Variants in WWP1 observed in about 807,000 individuals in gnomAD.
WWP1 encodes the protein WW domain containing E3 ubiquitin protein ligase 1, also known as NEDD4-like E3 ubiquitin-protein ligase WWP1.
A neutral mutation model predicts 130.6 loss-of-function variants in WWP1; 49 were observed. That is an observed-to-expected ratio of 0.38 (90% CI 0.30 to 0.48). WWP1 has a LOEUF of 0.48. Ranked by LOEUF, WWP1 falls within the 20% of genes least tolerant of loss-of-function variation. WWP1 has a pLI of 0.99. For missense variants in WWP1, 809 were observed against 1,100.6 expected, an observed-to-expected ratio of 0.74 and a Z score of 3.75; for synonymous variants, 332 against 367.8, an observed-to-expected ratio of 0.90 and a Z score of 1.11.
intron 1 of WWP1, among the ~76,000 whole-genome samples, chr8:86,364,494 G>A (rs1036331834): frequency 6.6e-6 from 1 of 152,126 alleles, no homozygotes; most frequent in Non-Finnish European, 1.5e-5. Context: ...GTACTGTAAA[G>A]CAGAAGAGTT....
chr8:86,465,269 A>G (rs1421933345), intron 24 of WWP1, among the ~76,000 whole-genome samples: 1 of 152,278 alleles, frequency 6.6e-6, no homozygotes, highest in Non-Finnish European at 1.5e-5. Context: ...GAAAGCAGCA[A>G]AAGTTTTTGA....
At position 86,466,903 on chromosome 8, in the gene WWP1, C is replaced by G; in HGVS notation, c.*10C>G. On this transcript the variant is annotated 3_prime_UTR_variant, in exon 25 of 25. Transcript: ENST00000517970. ...ATTTGGACAAGAATGAATGTGGCTT[C>G]TTATTTTGGAGGAGCTCTTGCATTT... 1 of 1,595,806 alleles carries G rather than the reference C, an allele frequency of 6.3e-7. No homozygotes were observed. Among genetic ancestry groups the G allele is most frequent in the Non-Finnish European group, 8.5e-7 (1 of 1,171,392 alleles).
chr8:86,463,298 G>T (rs1036465749), intron 24 of WWP1, among the ~76,000 whole-genome samples: 1 of 151,852 alleles, frequency 6.6e-6, no homozygotes, highest in Non-Finnish European at 1.5e-5. Flanking sequence ...GATTAGTGGG[G>T]TTTTTTGTTT....
intron 1 of WWP1, among the ~76,000 whole-genome samples, chr8:86,368,507 A>G (rs1824101119): frequency 6.6e-6 from 1 of 152,140 alleles, no homozygotes; most frequent in South Asian, 2.1e-4. Context: ...AGTTCAGATA[A>G]GCTCACTATC....
chr8:86,379,301 C>G (rs1451802916), intron 3 of WWP1, among the ~76,000 whole-genome samples: 1 of 152,116 alleles, frequency 6.6e-6, no homozygotes, highest in Non-Finnish European at 1.5e-5. Flanking sequence ...ACATTGAACA[C>G]TCTTTAATTG....
At chr8:86,351,637 CA>C (rs924730397) in intron 1 of WWP1, among the ~76,000 whole-genome samples, 3 of 149,560 alleles carry the variant, frequency 2.0e-5, no homozygotes, top group Admixed American at 6.7e-5. Context: ...GCCAAATAAA[CA>C]AAAAAAAAGT....
Position 86,393,266 on chromosome 8 carries a change from G to A in WWP1, c.335-5076G>A, listed in dbSNP as rs192509980. ...CTGTCTCTCAGGCTGGAGTGCACTG[G>A]CACGATCTCGGCTCACTGCAACCTC... On this transcript the variant is annotated intron_variant, in intron 5 of 24. Coordinates refer to ENST00000517970, the MANE Select transcript of WWP1 (RefSeq NM_007013.4). Among the ~76,000 whole-genome samples, 34 of 152,074 alleles carry A rather than the reference G, an allele frequency of 2.2e-4. No homozygotes were observed. The East Asian group carries it at 4.8e-3, about 22-fold the overall frequency.
At chr8:86,359,386 G>C (rs560784273) in intron 1 of WWP1, among the ~76,000 whole-genome samples, 2 of 151,964 alleles carry the variant, frequency 1.3e-5, no homozygotes, top group East Asian at 3.9e-4. Context: ...ATGGGGATTG[G>C]TGCCATTACT....
At chr8:86,400,833 G>A (rs762234993) in intron 7 of WWP1, among the ~76,000 whole-genome samples, 2 of 152,182 alleles carry the variant, frequency 1.3e-5, no homozygotes, top group Admixed American at 6.5e-5. Flanking sequence ...GGATAAAGGT[G>A]TGGCTGATTT....
intron 17 of WWP1, chr8:86,440,594 T>G (rs1369741478): frequency 2.3e-6 from 1 of 429,392 alleles, no homozygotes; most frequent in South Asian, 1.7e-5. Flanking sequence ...GTTCAATAAT[T>G]TCACTGTTGA....
At chr8:86,398,764 C>G in intron 7 of WWP1, 126 bp downstream of exon 7, 2 of 960,752 alleles carry the variant, frequency 2.1e-6, no homozygotes, top group South Asian at 3.3e-5. Flanking sequence ...CTAAGCATGT[C>G]ATTTGGTTAA....
intron 1 of WWP1, chr8:86,343,335 C>G (rs917319470): frequency 1.3e-5 from 2 of 152,382 alleles, no homozygotes; most frequent in African/African-American, 2.4e-5. Flanking sequence ...CCAATTTCAG[C>G]GTTGCAAACC....
At position 86,410,409 on chromosome 8, in the gene WWP1, T is replaced by A. The variant is rs147966518; in HGVS notation, c.725-1129T>A. Among the ~76,000 whole-genome samples, 17 of 152,326 alleles carry A rather than the reference T, an allele frequency of 1.1e-4. No homozygotes were observed. In the East Asian group the frequency reaches 3.3e-3, roughly 29 times the overall value. On this transcript the variant is annotated intron_variant, in intron 8 of 24. Coordinates refer to ENST00000517970, the MANE Select transcript of WWP1 (RefSeq NM_007013.4). ...TTAGCTAATTTCAAACTCATTGATA[T>A]GAAATTGTACGTGGTATTTCTAATG...
intron 7 of WWP1, among the ~76,000 whole-genome samples, chr8:86,401,331 G>A (rs1318001700): frequency 6.6e-6 from 1 of 152,018 alleles, no homozygotes; most frequent in African/African-American, 2.4e-5. Flanking sequence ...GGGTCAAGAT[G>A]GGAGGATCGC....
At chr8:86,377,496 A>G (rs1824732589) in intron 3 of WWP1, among the ~76,000 whole-genome samples, 1 of 151,794 alleles carries the variant, frequency 6.6e-6, no homozygotes, top group African/African-American at 2.4e-5. Context: ...CTCTGCCCTA[A>G]GCCAATTTTT....
chr8:86,418,510 A>G (rs887991933), intron 9 of WWP1, among the ~76,000 whole-genome samples: 3 of 152,172 alleles, frequency 2.0e-5, no homozygotes, highest in Non-Finnish European at 2.9e-5. Flanking sequence ...AGTGCACCTC[A>G]CTTAGCAAAC....
At chr8:86,432,154 C>CACATCACA (rs1436997021) in intron 14 of WWP1, among the ~76,000 whole-genome samples, 1 of 152,172 alleles carries the variant, frequency 6.6e-6, no homozygotes, top group Non-Finnish European at 1.5e-5. Context: ...TCTTAACTGC[C>CACATCACA]ACATCACACT....
chr8:86,451,214 TAAAAAAAAAAAAAAAAAAAA>T lies in WWP1; in HGVS notation c.2274-1325_2274-1306del, dbSNP rs61141803. On this transcript the variant is annotated intron_variant, in intron 20 of 24. Coordinates refer to ENST00000517970, the MANE Select transcript of WWP1 (RefSeq NM_007013.4). The stretch of plus-strand genomic sequence containing the variant: ...GCAACCGAGTGAGACCCTATGTTAT[TAAAAAAAAAAAAAAAAAAAA>T]AAAAAAAAAAAAAAAAAAAGATACA... Among the ~76,000 whole-genome samples the T allele has an allele frequency of 2.3e-3, 102 of 43,680 alleles. 1 individual carries two copies. The highest frequency in any genetic ancestry group is 6.5e-3 in the African/African-American group (77 of 11,812). 28.7% of individuals were successfully genotyped at this position (43,680 alleles called of 152,430 possible).
rs188256545 is a variant in WWP1 at position 86,344,043 on chromosome 8, A to G, written c.-115+1113A>G. 8.5e-4 allele frequency among the ~76,000 whole-genome samples: 129 copies of G among 152,340 alleles called. 1 individual carries two copies. The Middle Eastern group carries it at 0.014, about 16-fold the overall frequency. On this transcript the variant is annotated intron_variant, in intron 1 of 24. Transcript: ENST00000517970. The stretch of plus-strand genomic sequence containing the variant: ...CAAATCTGTGTGTATTATACAAGCA[A>G]AATGCACCTTTTAAAGAAGAAAGTC...
Sources: allele counts gnomAD v4.1 joint callset (sites outside exome capture counted in the v4.1 genomes callset), GRCh38; gene constraint gnomAD v4.1.1; transcripts MANE v1.5; gene names NCBI Gene and HGNC (gene_info 2026-07-23, HGNC 2026-07-21).